CDH13: variants seen among roughly 807,000 people sequenced by gnomAD.
The protein encoded by CDH13 is cadherin 13, also known as cadherin-13.
In CDH13, 24 loss-of-function variants were observed where a neutral mutation model predicts 63.8. That is an observed-to-expected ratio of 0.38 (90% confidence interval 0.27 to 0.53). The LOEUF (loss-of-function observed/expected upper bound fraction) is 0.53, where lower values mean the gene tolerates loss of function less well. CDH13 is among the 20% of genes least tolerant of loss of function. The pLI is 0.85. For missense variants in CDH13, 1,049 were observed against 903.1 expected (o/e 1.16, Z -2.07); for synonymous variants, 503 against 355.3 (o/e 1.42, Z -4.67).
chr16:83,337,023 G>A (rs1236324445), intron 5 of CDH13, among the ~76,000 whole-genome samples: 12 of 152,266 alleles, frequency 7.9e-5, no homozygotes, highest in East Asian at 1.9e-4. Flanking sequence ...TCAAATGAAG[G>A]GCAAGCTGTT....
At chr16:83,534,036 G>A (rs1462262127) in intron 7 of CDH13, among the ~76,000 whole-genome samples, 1 of 152,170 alleles carries the variant, frequency 6.6e-6, no homozygotes, top group Non-Finnish European at 1.5e-5. Flanking sequence ...GCCATTTAGT[G>A]GATGGACAGT....
intron 8 of CDH13, among the ~76,000 whole-genome samples, chr16:83,635,839 T>C (rs1340335321): frequency 6.6e-6 from 1 of 152,220 alleles, no homozygotes; most frequent in Admixed American, 6.5e-5. Context: ...TTTTCTTCTA[T>C]AGATTGTGCT....
chr16:83,735,558 C>G (rs762693567), intron 10 of CDH13: 16 of 152,206 alleles, frequency 1.1e-4, no homozygotes, highest in Non-Finnish European at 1.9e-4. Context: ...TCCCTGCTGC[C>G]ATGAATTTGA....
intron 3 of CDH13, among the ~76,000 whole-genome samples, chr16:83,045,016 A>G (rs987575802): frequency 2.6e-5 from 4 of 152,168 alleles, no homozygotes; most frequent in Non-Finnish European, 5.9e-5. Context: ...TCTAAATGTA[A>G]ATATAGGGAT....
intron 2 of CDH13, among the ~76,000 whole-genome samples, chr16:82,909,560 G>T (rs191264382): frequency 1.2e-4 from 18 of 149,582 alleles, no homozygotes; most frequent in Admixed American, 1.2e-3. Flanking sequence ...CATGGCTGGG[G>T]AGACCTCACA....
rs78211532 is a variant in CDH13, at chr16:83,730,104, C to T, written c.1539-18004C>T. 3.8e-3 allele frequency among the ~76,000 whole-genome samples: 585 copies of T among 152,292 alleles called. 2 individuals are homozygous for T. The highest frequency in any genetic ancestry group is 8.8e-3 in the Admixed American group (134 of 15,302). Reference sequence around the variant, plus strand: ...CTGTGTTCATCATGGCTTTTAATGTCTACGTAGCATTCCATTATCACTTTT... The same window carrying T: ...CTGTGTTCATCATGGCTTTTAATGTTTACGTAGCATTCCATTATCACTTTT... On this transcript the variant is annotated intron_variant, in intron 10 of 13. Coordinates refer to ENST00000567109, the MANE Select transcript of CDH13 (RefSeq NM_001257.5).
intron 6 of CDH13, among the ~76,000 whole-genome samples, chr16:83,363,322 A>G (rs890197754): frequency 2.0e-5 from 3 of 152,178 alleles, no homozygotes; most frequent in African/African-American, 4.8e-5. Context: ...AAAAGAAAAC[A>G]TATAAAGCAG....
At chr16:83,735,334 T>G (rs74844203) in intron 10 of CDH13, 1 of 152,224 alleles carries the variant, frequency 6.6e-6, no homozygotes, top group Non-Finnish European at 1.5e-5. Flanking sequence ...CAGTTGTAAA[T>G]CCACTGTCCT....
At chr16:83,702,297 C>G (rs148778463) in intron 10 of CDH13, among the ~76,000 whole-genome samples, 1 of 152,300 alleles carries the variant, frequency 6.6e-6, no homozygotes, top group East Asian at 1.9e-4. Context: ...TAGATAACCC[C>G]TCAAATCTCA....
intron 4 of CDH13, among the ~76,000 whole-genome samples, chr16:83,135,964 T>C (rs1385767153): frequency 1.3e-5 from 2 of 152,048 alleles, no homozygotes; most frequent in African/African-American, 4.8e-5. Context: ...ATGTGGGAGC[T>C]AAGCTATGAG....
chr16:83,060,035 C>A (rs1405329607), intron 3 of CDH13, among the ~76,000 whole-genome samples: 1 of 151,998 alleles, frequency 6.6e-6, no homozygotes, highest in East Asian at 1.9e-4. Flanking sequence ...ACCTTGTGAT[C>A]CGCAAGCCTC....
In CDH13 at chr16:82,947,075, T is replaced by A. The variant is rs573244780; in HGVS notation, c.158-84935T>A. ...TGTTGTAAGAAAGTTTAAGGCTATCTCCCTTCCTTATTCCTCTCTCTGATT... is the reference window on the plus strand; with the variant it reads ...TGTTGTAAGAAAGTTTAAGGCTATCACCCTTCCTTATTCCTCTCTCTGATT... On this transcript the variant is annotated intron_variant, in intron 2 of 13. Coordinates refer to ENST00000567109, the MANE Select transcript of CDH13 (RefSeq NM_001257.5). 1.3e-3 allele frequency among the ~76,000 whole-genome samples: 202 copies of A among 151,742 alleles called. 1 individual carries two copies. The highest frequency in any genetic ancestry group is 5.0e-3 in the Admixed American group (76 of 15,202).
At chr16:82,943,278 A>G (rs1904330359) in intron 2 of CDH13, among the ~76,000 whole-genome samples, 1 of 152,166 alleles carries the variant, frequency 6.6e-6, no homozygotes, top group African/African-American at 2.4e-5. Flanking sequence ...TATGTGTTAT[A>G]TATTCCTTTA....
intron 5 of CDH13, among the ~76,000 whole-genome samples, chr16:83,316,956 C>T (rs564235349): frequency 2.0e-4 from 31 of 152,292 alleles, no homozygotes; most frequent in Non-Finnish European, 1.3e-4. Flanking sequence ...CTTGAACAAG[C>T]GGCTACCCAT....
intron 5 of CDH13, among the ~76,000 whole-genome samples, chr16:83,224,783 C>T (rs1490194991): frequency 1.3e-5 from 2 of 152,174 alleles, no homozygotes; most frequent in East Asian, 1.9e-4. Context: ...AGTGAGATTA[C>T]AGTATCATCT....
In CDH13 at chr16:82,959,723, A is replaced by C. The variant is rs148177169; in HGVS notation, c.158-72287A>C. On this transcript the variant is annotated intron_variant, in intron 2 of 13. Coordinates refer to ENST00000567109, the MANE Select transcript of CDH13 (RefSeq NM_001257.5). Reference sequence around the variant, plus strand: ...CTGCATAGGTTCTGTTTGCCATATAAGTTTATAAGTTCCTTTATATCTCCG... The same window carrying C: ...CTGCATAGGTTCTGTTTGCCATATACGTTTATAAGTTCCTTTATATCTCCG... Among the ~76,000 whole-genome samples, 828 of 152,324 alleles carry C rather than the reference A, an allele frequency of 5.4e-3. 3 individuals are homozygous for C. Among genetic ancestry groups the C allele is most frequent in the Non-Finnish European group, 8.6e-3 (584 of 68,028 alleles).
At chr16:83,546,742 A>G (rs76742133) in intron 7 of CDH13, among the ~76,000 whole-genome samples, 1 of 152,160 alleles carries the variant, frequency 6.6e-6, no homozygotes, top group African/African-American at 2.4e-5. Flanking sequence ...AGCCATCTGC[A>G]TAACAGCAGT....
At chr16:82,977,075 A>T (rs370914862) in intron 2 of CDH13, among the ~76,000 whole-genome samples, 30 of 152,318 alleles carry the variant, frequency 2.0e-4, no homozygotes, top group African/African-American at 7.2e-4. Context: ...AAACAACTAA[A>T]TATACCTCTG....
chr16:83,085,591 AT>A (rs1476319786), intron 3 of CDH13, among the ~76,000 whole-genome samples: 3 of 152,238 alleles, frequency 2.0e-5, no homozygotes, highest in African/African-American at 7.2e-5. Context: ...GGACTGTGTT[AT>A]GACACAGCTA....
Sources: allele counts gnomAD v4.1 joint callset (sites outside exome capture counted in the v4.1 genomes callset), GRCh38; gene constraint gnomAD v4.1.1; transcripts MANE v1.5; gene names NCBI Gene and HGNC (gene_info 2026-07-23, HGNC 2026-07-21).